Variants in LTBP1 observed in about 807,000 individuals in gnomAD.
LTBP1 encodes the protein latent transforming growth factor beta binding protein 1.
A neutral mutation model predicts 207.6 loss-of-function variants in LTBP1; 129 were observed. The observed-to-expected ratio is 0.62, with a 90% CI of 0.54 to 0.72. LTBP1 has a LOEUF of 0.72. Among genes scored for constraint, LTBP1 ranks in the 30% least tolerant of loss-of-function variants. LTBP1 has a pLI of 0.00. For missense variants in LTBP1, 2,281 were observed against 2,217.2 expected, an observed-to-expected ratio of 1.03 and a Z score of -0.58; for synonymous variants, 963 against 833.7, an observed-to-expected ratio of 1.16 and a Z score of -2.67.
chr2:33,369,588 C>T lies in LTBP1; in HGVS notation c.4711+4085C>T, dbSNP rs140242356. 7.8e-3 allele frequency among the ~76,000 whole-genome samples: 1,182 copies of T among 152,180 alleles called. 21 individuals carry two copies. The highest frequency in any genetic ancestry group is 0.04 in the Admixed American group (616 of 15,268). ...CTTTTTTTATTTTTTGACAGAGTCTCGCTCTGTCACCCAGGCTGAAGTGCA... is the reference window on the plus strand; with the variant it reads ...CTTTTTTTATTTTTTGACAGAGTCTTGCTCTGTCACCCAGGCTGAAGTGCA... On this transcript the variant is annotated intron_variant, in intron 31 of 33. Coordinates refer to ENST00000404816, the MANE Select transcript of LTBP1 (RefSeq NM_206943.4).
intron 26 of LTBP1, among the ~76,000 whole-genome samples, chr2:33,357,740 A>C (rs1391704829): frequency 6.6e-6 from 1 of 152,226 alleles, no homozygotes; most frequent in Admixed American, 6.5e-5. Flanking sequence ...TTGAAAACTT[A>C]ATCTGAAAAT....
At chr2:33,006,544 C>T (rs562773450) in intron 2 of LTBP1, among the ~76,000 whole-genome samples, 4 of 151,604 alleles carry the variant, frequency 2.6e-5, no homozygotes, top group Admixed American at 6.6e-5. Context: ...CCACCACACC[C>T]GGCTAATTTT....
chr2:33,130,655 G>C (rs1572771591), intron 4 of LTBP1, among the ~76,000 whole-genome samples: 1 of 152,056 alleles, frequency 6.6e-6, no homozygotes, highest in East Asian at 1.9e-4. Flanking sequence ...GAATATCTGT[G>C]GTTTGTTTTA....
chr2:33,020,491 C>T (rs767818498), intron 2 of LTBP1, among the ~76,000 whole-genome samples: 1 of 152,144 alleles, frequency 6.6e-6, no homozygotes, highest in Non-Finnish European at 1.5e-5. Flanking sequence ...TTTTCTGATG[C>T]ATTTCTGGGA....
chr2:32,960,604 T>TC (rs1273628206), intron 2 of LTBP1, among the ~76,000 whole-genome samples: 1 of 152,154 alleles, frequency 6.6e-6, no homozygotes, highest in Non-Finnish European at 1.5e-5. Context: ...TGATTTTTTT[T>TC]CCCTCTAATT....
At chr2:33,038,759 T>C (rs565455109) in intron 3 of LTBP1, among the ~76,000 whole-genome samples, 1 of 152,368 alleles carries the variant, frequency 6.6e-6, no homozygotes, top group Non-Finnish European at 1.5e-5. Flanking sequence ...GTTGAATGAC[T>C]ATACGCTTGA....
intron 3 of LTBP1, among the ~76,000 whole-genome samples, chr2:33,054,220 G>A (rs187355624): frequency 4.6e-4 from 70 of 152,314 alleles, no homozygotes; most frequent in African/African-American, 1.4e-3. Context: ...TCCACTGACC[G>A]TTCGGTTTTT....
At chr2:32,987,460 T>C (rs1239156542) in intron 2 of LTBP1, among the ~76,000 whole-genome samples, 2 of 152,040 alleles carry the variant, frequency 1.3e-5, no homozygotes, top group East Asian at 1.9e-4. Context: ...TCGTAGTTAG[T>C]GAGGAGATGA....
chr2:33,070,867 T>C (rs920601795), intron 3 of LTBP1, among the ~76,000 whole-genome samples: 4 of 152,194 alleles, frequency 2.6e-5, no homozygotes, highest in African/African-American at 9.6e-5. Flanking sequence ...AAACTCCACG[T>C]TGGCCACGGG....
rs370789783 is a variant in LTBP1 at position 33,151,913 on chromosome 2, A to G, written c.1201+16953A>G. On this transcript the variant is annotated intron_variant, in intron 5 of 33. Coordinates refer to ENST00000404816, the MANE Select transcript of LTBP1 (RefSeq NM_206943.4). ...TCTTTATCCACTCGTTGATTGATGG[A>G]CATTTGGATTGGTTCCACAATTTTG... Among the ~76,000 whole-genome samples the G allele has an allele frequency of 1.1e-3, 170 of 150,026 alleles. 2 individuals carry two copies. The Middle Eastern group carries it at 0.014, about 12-fold the overall frequency.
rs189070205 is a variant in LTBP1, at chr2:33,393,820, C to T, written c.4835-3313C>T. On this transcript the variant is annotated intron_variant, in intron 32 of 33. Transcript: ENST00000404816. Reference sequence around the variant, plus strand: ...GGGTATATACCCAGTAATGGGATGACTGGGTCAAATGGTATTTCTAGTTCT... The same window carrying T: ...GGGTATATACCCAGTAATGGGATGATTGGGTCAAATGGTATTTCTAGTTCT... 8.1e-4 allele frequency among the ~76,000 whole-genome samples: 123 copies of T among 152,286 alleles called. 1 individual carries two copies. The highest frequency in any genetic ancestry group is 3.4e-3 in the Middle Eastern group (1 of 294).
At chr2:33,229,479 A>G (rs1048825169) in intron 9 of LTBP1, among the ~76,000 whole-genome samples, 7 of 152,188 alleles carry the variant, frequency 4.6e-5, no homozygotes, top group Non-Finnish European at 7.4e-5. Flanking sequence ...GTCTCTAAAA[A>G]GAAAGAAGGA....
intron 7 of LTBP1, among the ~76,000 whole-genome samples, chr2:33,199,396 C>T (rs1490450930): frequency 6.6e-6 from 1 of 152,104 alleles, no homozygotes; most frequent in Non-Finnish European, 1.5e-5. Flanking sequence ...GTGGAGGGTT[C>T]TGTAGATGTC....
chr2:33,189,762 A>T (rs945672991), intron 7 of LTBP1, among the ~76,000 whole-genome samples: 1 of 152,164 alleles, frequency 6.6e-6, no homozygotes, highest in Non-Finnish European at 1.5e-5. Flanking sequence ...GCTGTGGCTC[A>T]TGCCTATAAT....
chr2:33,185,125 G>C (rs1373089005), intron 5 of LTBP1, among the ~76,000 whole-genome samples: 1 of 152,176 alleles, frequency 6.6e-6, no homozygotes, highest in Non-Finnish European at 1.5e-5. Flanking sequence ...GCTCTGGAAG[G>C]GTGAGAGCAC....
intron 7 of LTBP1, among the ~76,000 whole-genome samples, chr2:33,211,481 T>C (rs2090306967): frequency 1.3e-5 from 2 of 152,170 alleles, no homozygotes; most frequent in Admixed American, 1.3e-4. Flanking sequence ...CTCACAATCC[T>C]TTGGGGTTGG....
intron 7 of LTBP1, among the ~76,000 whole-genome samples, chr2:33,205,126 A>T (rs2089734876): frequency 6.6e-6 from 1 of 152,244 alleles, no homozygotes; most frequent in South Asian, 2.1e-4. Context: ...AATGTCAAAC[A>T]GAGTGAATGA....
chr2:33,353,882 C>T (rs1321937662), intron 26 of LTBP1, among the ~76,000 whole-genome samples: 1 of 139,528 alleles, frequency 7.2e-6, no homozygotes, highest in Non-Finnish European at 1.5e-5. Flanking sequence ...TTTTTTGAGA[C>T]TGAGTCTCTC....
At chr2:33,122,329 C>T (rs1225107391) in intron 4 of LTBP1, among the ~76,000 whole-genome samples, 1 of 152,186 alleles carries the variant, frequency 6.6e-6, no homozygotes, top group Non-Finnish European at 1.5e-5. Context: ...ACAATCTGGA[C>T]AAATCAATCA....
Sources: allele counts gnomAD v4.1 joint callset (sites outside exome capture counted in the v4.1 genomes callset), GRCh38; gene constraint gnomAD v4.1.1; transcripts MANE v1.5; gene names NCBI Gene and HGNC (gene_info 2026-07-23, HGNC 2026-07-21).